Variants in KLF17 observed in about 807,000 individuals in gnomAD.
KLF17 encodes Krueppel-like factor 17.
In KLF17, 31 loss-of-function variants were observed where a neutral mutation model predicts 34.2. The ratio of observed to expected loss-of-function variants is 0.91; its 90% CI spans 0.68 to 1.22. The LOEUF is 1.22. Ranked by LOEUF, KLF17 falls within the 50% of genes most tolerant of loss-of-function variation. The probability of loss-of-function intolerance (pLI) is 0.00; values close to 1 mark genes in which losing one functional copy is unlikely to be tolerated. For missense variants in KLF17, 478 were observed against 505.2 expected (o/e 0.95, Z 0.52); for synonymous variants, 179 against 186.7 (o/e 0.96, Z 0.34).
At chr1:44,125,043 CAA>C (rs2087992130) in intron 1 of KLF17, among the ~76,000 whole-genome samples, 1 of 152,012 alleles carries the variant, frequency 6.6e-6, no homozygotes, top group African/African-American at 2.4e-5. Flanking sequence ...ATGTAGAAAA[CAA>C]AAAGTGGAGT....
the KLF17 span, among the ~76,000 whole-genome samples, chr1:44,109,921 C>T: frequency 3.1e-3 from 111 of 35,828 alleles, 1 homozygote; most frequent in Admixed American, 8.2e-3. Context: ...TTTTTTTTTG[C>T]GGGGGGGACA....
At chr1:44,088,102 C>CCTATTT in the KLF17 span, 1 of 168,444 alleles carries the variant, frequency 5.9e-6, no homozygotes, top group East Asian at 1.4e-4. Context: ...GCCAAGCACT[C>CCTATTT]TTATTTTTAT....
chr1:44,073,399 T>C, the KLF17 span, among the ~76,000 whole-genome samples: 2 of 151,558 alleles, frequency 1.3e-5, no homozygotes, highest in Non-Finnish European at 2.9e-5. Flanking sequence ...TAGGACAGGG[T>C]TTCACCATGT....
At chr1:44,046,971 C>T in the KLF17 span, among the ~76,000 whole-genome samples, 3,112 of 146,524 alleles carry the variant, frequency 0.021, 49 homozygotes, top group Middle Eastern at 0.032. Context: ...TGCAGTGAGC[C>T]GAGCGAGATC....
At chr1:44,127,645 T>C (rs1250776069) in intron 1 of KLF17, among the ~76,000 whole-genome samples, 2 of 57,108 alleles carry the variant, frequency 3.5e-5, no homozygotes, top group African/African-American at 7.6e-5. Flanking sequence ...TTTCCTTCTT[T>C]CTTTCTTTCT....
chr1:44,054,242 C>A, the KLF17 span, among the ~76,000 whole-genome samples: 2 of 152,128 alleles, frequency 1.3e-5, no homozygotes, highest in South Asian at 4.1e-4. Context: ...CAATGGGGCC[C>A]CCATGAGCCA....
At chr1:44,086,094 G>C in the KLF17 span, among the ~76,000 whole-genome samples, 5 of 152,194 alleles carry the variant, frequency 3.3e-5, no homozygotes, top group African/African-American at 1.2e-4. Context: ...ACCTGACAAG[G>C]GGGCACTGGG....
At chr1:44,090,936 A>G in the KLF17 span, among the ~76,000 whole-genome samples, 1 of 138,366 alleles carries the variant, frequency 7.2e-6, no homozygotes, top group Non-Finnish European at 1.6e-5. Flanking sequence ...ATGCACACGC[A>G]CACACACACA....
At chr1:44,098,223 C>A in the KLF17 span, among the ~76,000 whole-genome samples, 2 of 152,146 alleles carry the variant, frequency 1.3e-5, no homozygotes, top group African/African-American at 4.8e-5. Context: ...TTATCAATTT[C>A]TTCTAGATTT....
At chr1:44,068,670 C>T in the KLF17 span, among the ~76,000 whole-genome samples, 1 of 152,212 alleles carries the variant, frequency 6.6e-6, no homozygotes, top group Non-Finnish European at 1.5e-5. Flanking sequence ...AGGGCTGGCC[C>T]CTGCCCTCAC....
chr1:44,098,896 ATTTTTT>A, the KLF17 span, among the ~76,000 whole-genome samples: 6 of 136,186 alleles, frequency 4.4e-5, no homozygotes, highest in Non-Finnish European at 9.4e-5. Flanking sequence ...ACTCACTTTA[ATTTTTT>A]TTTTTTTTTG....
At chr1:44,114,001 T>C (rs1211969179), upstream of KLF17, 1 of 152,260 alleles carries the variant, frequency 6.6e-6, no homozygotes, top group African/African-American at 2.4e-5. Context: ...GTCTACAGGA[T>C]GGACTGTCAG....
the KLF17 span, among the ~76,000 whole-genome samples, chr1:44,090,306 C>CAAAAAAAAAAAAAAAAAA: frequency 4.3e-4 from 10 of 23,416 alleles, 1 homozygote; most frequent in African/African-American, 9.7e-4. Flanking sequence ...CTTGTCTCTA[C>CAAAAAAAAAAAAAAAAAA]AAAAAAAAAA....
At chr1:44,053,502 A>G in the KLF17 span, among the ~76,000 whole-genome samples, 2 of 152,068 alleles carry the variant, frequency 1.3e-5, no homozygotes, top group East Asian at 3.9e-4. Flanking sequence ...TTCCACCTCA[A>G]AGTCAGCAGG....
At chr1:44,098,769 C>T in the KLF17 span, among the ~76,000 whole-genome samples, 1 of 152,046 alleles carries the variant, frequency 6.6e-6, no homozygotes, top group African/African-American at 2.4e-5. Flanking sequence ...CCAAGATGGT[C>T]TTGATCTCCT....
At chr1:44,108,399 T>C in the KLF17 span, among the ~76,000 whole-genome samples, 28 of 152,220 alleles carry the variant, frequency 1.8e-4, no homozygotes, top group African/African-American at 6.8e-4. Flanking sequence ...TTTCTGGTTA[T>C]TGGCTAGGGT....
the KLF17 span, chr1:44,046,289 C>T: frequency 6.6e-6 from 1 of 151,120 alleles, no homozygotes; most frequent in East Asian, 1.9e-4. Flanking sequence ...GCAATCACGG[C>T]TCACTGCAGC....
At position 44,129,820 on chromosome 1, in the gene KLF17, G is replaced by C. The variant is rs759531219; in HGVS notation, c.549G>C (p.Ser183=). ...CTCCAGTGCCTTACCCTGGCCTCTCGACAGTACCTTCTGACGAAACATTGT... is the reference window on the plus strand; with the variant it reads ...CTCCAGTGCCTTACCCTGGCCTCTCCACAGTACCTTCTGACGAAACATTGT... ...GNPPVPYPGL[S]TVPSDETLLG... The change falls in exon 2 of 4, where the codon TCG becomes TCC. Residue 183 remains serine (S), a synonymous_variant. Coordinates refer to ENST00000372299, the MANE Select transcript of KLF17 (RefSeq NM_173484.4). 6 of 1,614,106 alleles carry C rather than the reference G, an allele frequency of 3.7e-6. No individual in the cohort carries two copies. The highest frequency in any genetic ancestry group is 5.1e-6 in the Non-Finnish European group (6 of 1,180,034).
In KLF17 at chr1:44,121,642, A is replaced by G. The variant is rs144974311; in HGVS notation, c.81+2654A>G. ...GTCTTATAGAATGTTCCTTTCCGAT[A>G]TATCAGATTGCTTCCTCATGATAAC... On this transcript the variant is annotated intron_variant, in intron 1 of 3. Transcript: ENST00000372299. 3.2e-3 allele frequency among the ~76,000 whole-genome samples: 486 copies of G among 152,296 alleles called. 4 individuals carry two copies. Among genetic ancestry groups the G allele is most frequent in the African/African-American group, 0.011 (451 of 41,550 alleles).
Sources: allele counts gnomAD v4.1 joint callset (sites outside exome capture counted in the v4.1 genomes callset), GRCh38; gene constraint gnomAD v4.1.1; transcripts MANE v1.5; gene names NCBI Gene and HGNC (gene_info 2026-07-23, HGNC 2026-07-21).